GPR26: variants seen among roughly 807,000 people sequenced by gnomAD.
GPR26 encodes G protein-coupled receptor 26.
In GPR26, 15 loss-of-function variants were observed where a neutral mutation model predicts 23.1. The observed-to-expected ratio is 0.65, with a 90% CI of 0.43 to 1.00. The LOEUF is 1.00. Ranked by LOEUF, GPR26 falls within the 50% of genes least tolerant of loss-of-function variation. The pLI is 0.00. For synonymous variants in GPR26, 228 were observed against 222.1 expected (o/e 1.03, Z -0.24); for missense variants, 359 against 470.5 (o/e 0.76, Z 2.19).
chr10:123,679,889 T>C (rs1056894970), intron 2 of GPR26, among the ~76,000 whole-genome samples: 12 of 152,214 alleles, frequency 7.9e-5, no homozygotes, highest in African/African-American at 2.9e-4. Flanking sequence ...GTCATACTCC[T>C]GGACTCCCAT....
chr10:123,696,761 G>A lies in GPR26; in HGVS notation c.*8601G>A, dbSNP rs1056333366. ...CATAACCCTGTGCTCCCATAAGTCTGTGTGCCCGTGATCATATGCATATGG... is the reference window on the plus strand; with the variant it reads ...CATAACCCTGTGCTCCCATAAGTCTATGTGCCCGTGATCATATGCATATGG... On this transcript the variant is annotated 3_prime_UTR_variant, in exon 3 of 3. Transcript: ENST00000284674. Among the ~76,000 whole-genome samples the A allele has an allele frequency of 1.3e-5, 2 of 152,010 alleles. No individual in the cohort carries two copies. The highest frequency in any genetic ancestry group is 4.8e-5 in the African/African-American group (2 of 41,436).
In GPR26 at chr10:123,695,232, T is replaced by C. The variant is rs1269142306; in HGVS notation, c.*7072T>C. ...CACGTATACCCATATTTAAGGACTTTTAAAGTAATTTGGATTTTTAACTCA... is the reference window on the plus strand; with the variant it reads ...CACGTATACCCATATTTAAGGACTTCTAAAGTAATTTGGATTTTTAACTCA... On this transcript the variant is annotated 3_prime_UTR_variant, in exon 3 of 3. Transcript: ENST00000284674. Among the ~76,000 whole-genome samples, 1 of 152,202 alleles carries C rather than the reference T, an allele frequency of 6.6e-6. No individual in the cohort carries two copies. Among genetic ancestry groups the C allele is most frequent in the Non-Finnish European group, 1.5e-5 (1 of 68,032 alleles).
chr10:123,691,419 T>C lies in GPR26; in HGVS notation c.*3259T>C, dbSNP rs939167415. Reference sequence around the variant, plus strand: ...GTGAAATTCGTTTTCTTTTTCATGGTGCCTTTCTTTCTAAGAAAAGATAGA... The same window carrying C: ...GTGAAATTCGTTTTCTTTTTCATGGCGCCTTTCTTTCTAAGAAAAGATAGA... On this transcript the variant is annotated 3_prime_UTR_variant, in exon 3 of 3. Coordinates refer to ENST00000284674, the MANE Select transcript of GPR26 (RefSeq NM_153442.4). 1 of 152,204 alleles carries C rather than the reference T, an allele frequency of 6.6e-6. No individual in the cohort carries two copies. The highest frequency in any genetic ancestry group is 2.4e-5 in the African/African-American group (1 of 41,442). 9.4% of individuals were successfully genotyped at this position (152,204 alleles called of 1,614,324 possible).
intron 2 of GPR26, among the ~76,000 whole-genome samples, chr10:123,679,940 T>C (rs769949566): frequency 3.1e-4 from 47 of 152,196 alleles, no homozygotes; most frequent in Non-Finnish European, 5.7e-4. Flanking sequence ...ACTGCAGCCC[T>C]GGGGCAGGCA....
At chr10:123,669,998 A>G (rs997044887) in intron 1 of GPR26, among the ~76,000 whole-genome samples, 4 of 152,214 alleles carry the variant, frequency 2.6e-5, no homozygotes, top group African/African-American at 9.6e-5. Context: ...GCTCCCAGGC[A>G]TGGCAGAGCA....
intron 2 of GPR26, 43 bp from the exon 3 acceptor site, chr10:123,687,886 G>A: frequency 1.4e-6 from 2 of 1,393,156 alleles, no homozygotes; most frequent in African/African-American, 1.4e-5. Flanking sequence ...TCCCAGCGGT[G>A]CTTAGCTATG....
rs1324968481 is a variant in GPR26 at position 123,674,590 on chromosome 10, A to G, written c.669-228A>G. Among the ~76,000 whole-genome samples the G allele has an allele frequency of 6.6e-6, 1 of 152,218 alleles. No homozygotes were observed. Among genetic ancestry groups the G allele is most frequent in the Non-Finnish European group, 1.5e-5 (1 of 68,050 alleles). On this transcript the variant is annotated intron_variant, in intron 1 of 2. Coordinates refer to ENST00000284674, the MANE Select transcript of GPR26 (RefSeq NM_153442.4). The surrounding 1 kb of genome is among the most constrained non-coding windows in gnomAD (Gnocchi z 4.1). ...TTTATTACATTATGTGTAATACACTAAAATATATGATGCATATTATTATTT... is the reference window on the plus strand; with the variant it reads ...TTTATTACATTATGTGTAATACACTGAAATATATGATGCATATTATTATTT...
chr10:123,682,990 G>C (rs1380906179), intron 2 of GPR26, among the ~76,000 whole-genome samples: 1 of 152,084 alleles, frequency 6.6e-6, no homozygotes, highest in Non-Finnish European at 1.5e-5. Flanking sequence ...ATGTGTGTGT[G>C]TATGTATACA....
chr10:123,683,395 GC>G (rs1845399544), intron 2 of GPR26, among the ~76,000 whole-genome samples: 3 of 152,378 alleles, frequency 2.0e-5, no homozygotes, highest in Non-Finnish European at 4.4e-5. Context: ...GAGACACAGA[GC>G]CCCTGGGGGC....
At chr10:123,680,829 G>GC (rs1564732133) in intron 2 of GPR26, among the ~76,000 whole-genome samples, 4 of 109,446 alleles carry the variant, frequency 3.7e-5, no homozygotes, top group East Asian at 2.6e-4. Context: ...TGTTTTTTTG[G>GC]GGGGGGGGGT....
In GPR26 at chr10:123,666,472, C is replaced by T; in HGVS notation, c.65C>T (p.Ser22Phe). The change falls in exon 1 of 3, where the codon TCC becomes TTC. Residue 22 changes from serine (S) to phenylalanine (F), a missense_variant. By Grantham distance (155) the Ser-to-Phe change is radical. Transcript: ENST00000284674. ...LVGTMGVSLL[S>F]NALVLLCLLH... ...GGCACGATGGGCGTCTCGCTGCTGT[C>T]CAACGCGCTGGTGCTGCTCTGCCTG... is the stretch of plus-strand genomic sequence containing the variant. 6.4e-7 allele frequency: 1 copy of T among 1,557,206 alleles called. No individual in the cohort carries two copies.
At chr10:123,681,525 A>C (rs1845378001) in intron 2 of GPR26, among the ~76,000 whole-genome samples, 1 of 152,150 alleles carries the variant, frequency 6.6e-6, no homozygotes, top group African/African-American at 2.4e-5. Context: ...GTACCTTATA[A>C]ATGGAGACGT....
At chr10:123,681,028 G>T (rs1352643275) in intron 2 of GPR26, among the ~76,000 whole-genome samples, 1 of 151,958 alleles carries the variant, frequency 6.6e-6, no homozygotes, top group Non-Finnish European at 1.5e-5. Flanking sequence ...TAGTAGAGAT[G>T]GGGTTTCACC....
chr10:123,669,045 C>T (rs997379295), intron 1 of GPR26, among the ~76,000 whole-genome samples: 15 of 152,316 alleles, frequency 9.8e-5, no homozygotes, highest in African/African-American at 3.6e-4. Flanking sequence ...TTCGATTTCC[C>T]CTCCATTCCT....
rs115262613 is a variant in GPR26 at position 123,681,246 on chromosome 10, G to A, written c.782+6315G>A. Among the ~76,000 whole-genome samples, 257 of 152,216 alleles carry A rather than the reference G, an allele frequency of 1.7e-3. 3 individuals are homozygous for A. The highest frequency in any genetic ancestry group is 5.8e-3 in the African/African-American group (241 of 41,518). ...CAGTTCTAGTGTTCTGCCTGAAACCGGCGGCCGTGCCCAGCCCCTCACAAT... is the reference window on the plus strand; with the variant it reads ...CAGTTCTAGTGTTCTGCCTGAAACCAGCGGCCGTGCCCAGCCCCTCACAAT... On this transcript the variant is annotated intron_variant, in intron 2 of 2. Transcript: ENST00000284674.
At chr10:123,677,956 C>T (rs1845328182) in intron 2 of GPR26, among the ~76,000 whole-genome samples, 1 of 152,146 alleles carries the variant, frequency 6.6e-6, no homozygotes, top group African/African-American at 2.4e-5. Context: ...GAAATTAATA[C>T]ATTTTTGGCC....
chr10:123,695,924 G>A lies in GPR26; in HGVS notation c.*7764G>A, dbSNP rs1231062011. Among the ~76,000 whole-genome samples the A allele has an allele frequency of 6.6e-6, 1 of 152,124 alleles. No individual in the cohort carries two copies. On this transcript the variant is annotated 3_prime_UTR_variant, in exon 3 of 3. Coordinates refer to ENST00000284674, the MANE Select transcript of GPR26 (RefSeq NM_153442.4). ...CACCAACCCCATCAGGATTTCCCCA[G>A]GGGAAAATGGCTAACTCTGGATCAC...
intron 1 of GPR26, among the ~76,000 whole-genome samples, chr10:123,668,797 G>A (rs868606287): frequency 1.3e-5 from 2 of 152,224 alleles, no homozygotes; most frequent in African/African-American, 2.4e-5. Context: ...CTCTCACCAT[G>A]AGTCTAACAG....
Position 123,675,857 on chromosome 10 carries a change from A to AGTGTGTGTGTGTGTGTGTGT in GPR26, c.782+927_782+928insTGTGTGTGTGTGTGTGTGTG, listed in dbSNP as rs1564731138. On this transcript the variant is annotated intron_variant, in intron 2 of 2. Coordinates refer to ENST00000284674, the MANE Select transcript of GPR26 (RefSeq NM_153442.4). Reference sequence around the variant, plus strand: ...ACGTGTGTGTGTGTGTGTGTGTGTAAGAGAGAGAGAGAGACCCAGAAAAAG... The same window carrying AGTGTGTGTGTGTGTGTGTGT: ...ACGTGTGTGTGTGTGTGTGTGTGTAAGTGTGTGTGTGTGTGTGTGTGAGAGAGAGAGAGACCCAGAAAAAG... 1.0e-3 allele frequency among the ~76,000 whole-genome samples: 47 copies of AGTGTGTGTGTGTGTGTGTGT among 45,630 alleles called. 1 individual carries two copies. Among genetic ancestry groups the AGTGTGTGTGTGTGTGTGTGT allele is most frequent in the African/African-American group, 2.6e-3 (40 of 15,292 alleles). 29.9% of individuals were successfully genotyped at this position (45,630 alleles called of 152,430 possible).
Sources: allele counts gnomAD v4.1 joint callset (sites outside exome capture counted in the v4.1 genomes callset), GRCh38; gene constraint gnomAD v4.1.1; non-coding constraint Gnocchi (gnomAD v3.1); transcripts MANE v1.5; gene names NCBI Gene and HGNC (gene_info 2026-07-23, HGNC 2026-07-21).